The following KIFC3 variants were observed in gnomAD, a reference collection of about 807,000 sequenced individuals.
KIFC3 encodes the protein kinesin family member C3.
A neutral mutation model predicts 101.8 loss-of-function variants in KIFC3; 60 were observed. That is an observed-to-expected ratio of 0.59 (90% CI 0.48 to 0.73). The LOEUF is 0.73. Among genes scored for constraint, KIFC3 ranks in the 30% least tolerant of loss-of-function variants. The probability of loss-of-function intolerance (pLI) is 0.00; values close to 1 mark genes in which losing one functional copy is unlikely to be tolerated. For synonymous variants in KIFC3, 476 were observed against 482.7 expected, an observed-to-expected ratio of 0.99 and a Z score of 0.18; for missense variants, 966 against 1,137.1, an observed-to-expected ratio of 0.85 and a Z score of 2.16.
rs75337487 is a variant in KIFC3, at chr16:57,852,984, A to G, written c.108+9745T>C. Among the ~76,000 whole-genome samples the G allele has an allele frequency of 6.0e-3, 909 of 152,338 alleles. 2 individuals carry two copies. Among genetic ancestry groups the G allele is most frequent in the Non-Finnish European group, 8.8e-3 (596 of 68,032 alleles). ...AGAACTAAAATTAGTATGCTATAGT[A>G]TATTTCTTTGTACAGAAGCACTATA... On this transcript the variant is annotated intron_variant, in intron 1 of 2. Coordinates refer to the KIFC3 transcript ENST00000563028.
At chr16:57,760,587 G>A in intron 16 of KIFC3, 139 bp downstream of exon 16, 1 of 1,065,744 alleles carries the variant, frequency 9.4e-7, no homozygotes, top group Non-Finnish European at 1.4e-6. Context: ...GGAGAGGAGG[G>A]ACTGGGAGTT....
At chr16:57,843,181 G>A (rs1341372059) in intron 1 of KIFC3, among the ~76,000 whole-genome samples, 1 of 152,036 alleles carries the variant, frequency 6.6e-6, no homozygotes, top group East Asian at 1.9e-4. Flanking sequence ...ATATCATACA[G>A]CACCTACTCT....
chr16:57,759,848 G>A lies in KIFC3; in HGVS notation c.2368-12C>T. ...CAAGCCGGCTCCCACTGTGAGCAGG[G>A]AAGGGCGGATGGGCGGGGGCCACGG... On this transcript the variant is annotated splice_polypyrimidine_tract_variant and intron_variant, in intron 17 of 19. Transcript: ENST00000445690. 1 of 1,599,536 alleles carries A rather than the reference G, an allele frequency of 6.3e-7. No homozygotes were observed. Among genetic ancestry groups the A allele is most frequent in the Non-Finnish European group, 8.5e-7 (1 of 1,172,920 alleles).
At chr16:57,792,311 C>T (rs137892751) in intron 3 of KIFC3, among the ~76,000 whole-genome samples, 78 of 152,324 alleles carry the variant, frequency 5.1e-4, no homozygotes, top group African/African-American at 1.7e-3. Flanking sequence ...TTCATCCCTT[C>T]GTGATTATTT....
chr16:57,848,558 T>C (rs963482485), intron 1 of KIFC3, among the ~76,000 whole-genome samples: 1 of 152,172 alleles, frequency 6.6e-6, no homozygotes, highest in Non-Finnish European at 1.5e-5. Flanking sequence ...AGCCCATGAA[T>C]TTGAGGCTGC....
intron 1 of KIFC3, among the ~76,000 whole-genome samples, chr16:57,840,209 G>A (rs1172585940): frequency 2.0e-5 from 3 of 151,940 alleles, no homozygotes; most frequent in Admixed American, 6.6e-5. Context: ...GTGGTGGCGC[G>A]CACCTGTAAT....
chr16:57,851,677 C>T lies in KIFC3; in HGVS notation c.108+11052G>A, dbSNP rs901292468. 3.3e-5 allele frequency among the ~76,000 whole-genome samples: 5 copies of T among 152,140 alleles called. No individual in the cohort carries two copies. The East Asian group carries it at 9.7e-4, about 29-fold the overall frequency. On this transcript the variant is annotated intron_variant, in intron 1 of 2. Coordinates refer to the KIFC3 transcript ENST00000563028. The stretch of plus-strand genomic sequence containing the variant: ...CGCCTTCCAGGTTCAAGTGATTCTC[C>T]TGCCTCAGCCTCCTGAGTAGCTGGG...
At chr16:57,841,978 G>A (rs2055823474) in intron 1 of KIFC3, among the ~76,000 whole-genome samples, 1 of 151,598 alleles carries the variant, frequency 6.6e-6, no homozygotes, top group Admixed American at 6.6e-5. Context: ...TCCTCGGAGA[G>A]GCCTTCCCTG....
intron 1 of KIFC3, chr16:57,830,576 TGCAGGG>T (rs1214079807): frequency 6.6e-6 from 1 of 152,194 alleles, no homozygotes; most frequent in African/African-American, 2.4e-5. Context: ...GTCATCCTTG[TGCAGGG>T]GCCATGCTAA....
At chr16:57,807,459 G>A (rs943524029), upstream of KIFC3, 1 of 152,186 alleles carries the variant, frequency 6.6e-6, no homozygotes, top group East Asian at 1.9e-4. Context: ...CCCTTGACTG[G>A]ACTGTAAATT....
upstream of KIFC3, chr16:57,802,702 G>T: frequency 1.2e-6 from 1 of 833,598 alleles, no homozygotes; most frequent in Non-Finnish European, 1.8e-6. The surrounding 1 kb of genome is among the most constrained non-coding windows in gnomAD (Gnocchi z 5.0). Context: ...GGTCTCTCCC[G>T]CCTCCCCGCG....
At chr16:57,768,778 T>A (rs2050799189) in intron 9 of KIFC3, among the ~76,000 whole-genome samples, 1 of 152,238 alleles carries the variant, frequency 6.6e-6, no homozygotes, top group Non-Finnish European at 1.5e-5. Context: ...CTAACGGCTA[T>A]AAACAGCTCG....
intron 1 of KIFC3, among the ~76,000 whole-genome samples, chr16:57,860,720 T>G (rs2056285452): frequency 6.6e-6 from 1 of 152,076 alleles, no homozygotes; most frequent in South Asian, 2.1e-4. Flanking sequence ...TTTTATTTAT[T>G]TATTTATTTA....
At chr16:57,851,107 C>T (rs1394195408) in intron 1 of KIFC3, among the ~76,000 whole-genome samples, 2 of 152,004 alleles carry the variant, frequency 1.3e-5, no homozygotes, top group African/African-American at 4.8e-5. Context: ...AGCTCCTAGG[C>T]TCCAGGCATC....
At chr16:57,784,717 C>T (rs2053131949) in intron 3 of KIFC3, among the ~76,000 whole-genome samples, 1 of 151,882 alleles carries the variant, frequency 6.6e-6, no homozygotes, top group African/African-American at 2.4e-5. Flanking sequence ...GGGAAGTGGG[C>T]GAGGCTCAGA....
chr16:57,842,674 T>C lies in KIFC3; in HGVS notation c.108+20055A>G, dbSNP rs77337644. On this transcript the variant is annotated intron_variant, in intron 1 of 2. Coordinates refer to the KIFC3 transcript ENST00000563028. ...CATCCCATAACAACCCATTATTATA[T>C]TATCTTATTATAACATCCTAATAAT... 9.5e-3 allele frequency among the ~76,000 whole-genome samples: 1,446 copies of C among 152,314 alleles called. 28 individuals are homozygous for C. Among genetic ancestry groups the C allele is most frequent in the African/African-American group, 0.032 (1,347 of 41,560 alleles).
intron 1 of KIFC3, among the ~76,000 whole-genome samples, chr16:57,857,905 C>A (rs1216489171): frequency 1.4e-5 from 2 of 139,962 alleles, no homozygotes; most frequent in Non-Finnish European, 3.0e-5. Flanking sequence ...CGGCTCACTG[C>A]AACTTCCGCC....
At chr16:57,792,002 GACA>G (rs1419538491) in intron 3 of KIFC3, among the ~76,000 whole-genome samples, 1 of 152,178 alleles carries the variant, frequency 6.6e-6, no homozygotes, top group African/African-American at 2.4e-5. Flanking sequence ...CAGGGGCTGG[GACA>G]ACAAGCTACC....
chr16:57,807,074 C>T (rs572945252), upstream of KIFC3, among the ~76,000 whole-genome samples: 18 of 151,786 alleles, frequency 1.2e-4, no homozygotes, highest in South Asian at 4.2e-4. Context: ...AAAAATTACC[C>T]GATGTGCTGG....
Sources: allele counts gnomAD v4.1 joint callset (sites outside exome capture counted in the v4.1 genomes callset), GRCh38; gene constraint gnomAD v4.1.1; non-coding constraint Gnocchi (gnomAD v3.1); transcripts MANE v1.5; gene names NCBI Gene and HGNC (gene_info 2026-07-23, HGNC 2026-07-21).